The following URB1 variants were observed in gnomAD, a reference collection of about 807,000 sequenced individuals.
URB1 encodes the protein URB1 ribosome biogenesis factor.
URB1 carries 197 observed loss-of-function variants against 242.3 expected under a neutral mutation model. The ratio of observed to expected loss-of-function variants is 0.81; its 90% CI spans 0.72 to 0.91. The LOEUF (loss-of-function observed/expected upper bound fraction) is 0.91, where lower values mean the gene tolerates loss of function less well. Ranked by LOEUF, URB1 falls within the 40% of genes least tolerant of loss-of-function variation. URB1 has a pLI of 0.00. For missense variants in URB1, 2,721 were observed against 2,860.5 expected, an observed-to-expected ratio of 0.95 and a Z score of 1.11; for synonymous variants, 1,153 against 1,201.8, an observed-to-expected ratio of 0.96 and a Z score of 0.84.
chr21:32,383,348 A>C, intron 4 of URB1, 74 bp downstream of exon 4: 1 of 1,464,942 alleles, frequency 6.8e-7, no homozygotes, highest in Non-Finnish European at 9.1e-7. Flanking sequence ...GGGGCAGAGA[A>C]TGGAGGAAAA....
In URB1 at chr21:32,353,971, G is replaced by A; in HGVS notation, c.2378C>T (p.Ala793Val). 1.3e-6 allele frequency: 2 copies of A among 1,551,764 alleles called. No homozygotes were observed. The highest frequency in any genetic ancestry group is 1.7e-6 in the Non-Finnish European group (2 of 1,147,016). The change falls in exon 18 of 39, where the codon GCC (alanine) becomes GTC (valine). Residue 793 changes from alanine to valine, a missense_variant. Coordinates refer to ENST00000382751, the MANE Select transcript of URB1 (RefSeq NM_014825.3). ...FSAVVPAALE[A>V]RNKLLLGTGN... ...TGTCCCAAGGAGCAACTTATTCCTG[G>A]CTTCCAGGGCCGCAGGGACTACCGC... is the stretch of plus-strand genomic sequence containing the variant.
chr21:32,365,817 C>A (rs1229125498), intron 10 of URB1, among the ~76,000 whole-genome samples: 2 of 152,214 alleles, frequency 1.3e-5, no homozygotes, highest in South Asian at 2.1e-4. Context: ...CCAACTGAGG[C>A]CTGTGCAACC....
chr21:32,323,549 CAT>C (rs1324433273), intron 32 of URB1, among the ~76,000 whole-genome samples: 1 of 152,216 alleles, frequency 6.6e-6, no homozygotes, highest in Non-Finnish European at 1.5e-5. Flanking sequence ...GCAGTACTCA[CAT>C]ACCAAAAGCT....
rs902642613 is a variant in URB1, at chr21:32,314,808, T to A, written c.*110A>T. On this transcript the variant is annotated 3_prime_UTR_variant, in exon 39 of 39. Transcript: ENST00000382751. ...AAGAACTGAGCCAATGTACTGAACC[T>A]GTTGTTTCCCATGCCTTCTCTGGAA... 1.4e-6 allele frequency: 2 copies of A among 1,470,820 alleles called. No individual in the cohort carries two copies. Among genetic ancestry groups the A allele is most frequent in the Admixed American group, 2.1e-5 (1 of 46,618 alleles). 91.1% of individuals were successfully genotyped at this position (1,470,820 alleles called of 1,614,324 possible). A position where few individuals can be genotyped will look rare whatever the true frequency, so the allele number is the denominator to read the frequency against.
intron 30 of URB1, among the ~76,000 whole-genome samples, chr21:32,326,572 T>C (rs985344724): frequency 6.6e-6 from 1 of 152,044 alleles, no homozygotes; most frequent in African/African-American, 2.4e-5. Context: ...ATGTTGGAGG[T>C]GGGGACTCCG....
Position 32,359,885 on chromosome 21 carries a change from G to A in URB1, c.1780C>T (p.Arg594Ter), listed in dbSNP as rs747567759. 26 of 1,548,186 alleles carry A rather than the reference G, an allele frequency of 1.7e-5. No individual in the cohort carries two copies. Among genetic ancestry groups the A allele is most frequent in the Admixed American group, 4.0e-5 (2 of 50,280 alleles). ...TGCAGAATGGGAGGCACCTCCTCTC[G>A]AAGGCCCTGCTCAGAGATGACACCT... ...LKGVISEQGL[R>*]EEVPPILQHH... Residue 594 changes from arginine (R) to a stop codon, truncating the protein, a stop_gained, in exon 14 of 39, where the codon CGA becomes TGA. Transcript: ENST00000382751. LOFTEE classifies it high-confidence loss of function.
Position 32,313,905 on chromosome 21 carries a change from T to C in URB1, c.*1013A>G, listed in dbSNP as rs191999663. 1.8e-4 allele frequency: 28 copies of C among 152,782 alleles called. No homozygotes were observed. The highest frequency in any genetic ancestry group is 3.4e-4 in the Non-Finnish European group (23 of 68,388). 9.5% of individuals were successfully genotyped at this position (152,782 alleles called of 1,614,324 possible). On this transcript the variant is annotated 3_prime_UTR_variant, in exon 39 of 39. Transcript: ENST00000382751. ...CCTTTAAAATAAATGCAGGCCTATGTGGAGCAAAAATAGCCTCTTGACAAC... is the reference window on the plus strand; with the variant it reads ...CCTTTAAAATAAATGCAGGCCTATGCGGAGCAAAAATAGCCTCTTGACAAC...
rs887951743 is a variant in URB1, at chr21:32,316,873, G to A, written c.6227C>T (p.Thr2076Ile). The A allele has an allele frequency of 5.8e-6, 9 of 1,551,324 alleles. No homozygotes were observed. The East Asian group carries it at 9.8e-5, about 17-fold the overall frequency. ...GCTGGCTGAGTCCACAGGCTCCTGA[G>A]TGGGGTCAGGACCAGGGATCACTGG... is the stretch of plus-strand genomic sequence containing the variant. Reference protein sequence around the residue: ...WRPVIPGPDPTQEPVDSASPE... With the variant: ...WRPVIPGPDPIQEPVDSASPE... Residue 2076 changes from threonine to isoleucine, a missense_variant, in exon 38 of 39, where the codon ACT (threonine) becomes ATT (isoleucine). Thr to Ile is a moderately conservative substitution (Grantham distance 89, BLOSUM62 -1). Coordinates refer to ENST00000382751, the MANE Select transcript of URB1 (RefSeq NM_014825.3).
chr21:32,355,909 C>CCTA (rs2033214971), intron 15 of URB1, among the ~76,000 whole-genome samples: 1 of 152,220 alleles, frequency 6.6e-6, no homozygotes. Flanking sequence ...CCACACCCAG[C>CCTA]CTACAGGACC....
intron 1 of URB1, among the ~76,000 whole-genome samples, chr21:32,389,188 G>C (rs2033613781): frequency 6.6e-6 from 1 of 152,172 alleles, no homozygotes; most frequent in African/African-American, 2.4e-5. Flanking sequence ...AAGTATTGAG[G>C]GGGCAGAGGG....
At chr21:32,379,303 C>T (rs1053899904) in intron 4 of URB1, among the ~76,000 whole-genome samples, 4 of 152,278 alleles carry the variant, frequency 2.6e-5, no homozygotes, top group African/African-American at 9.6e-5. Flanking sequence ...GTCAGTCTCT[C>T]ATCAGCTGTT....
intron 25 of URB1, among the ~76,000 whole-genome samples, chr21:32,340,257 G>C (rs538163700): frequency 6.6e-6 from 1 of 152,204 alleles, no homozygotes; most frequent in African/African-American, 2.4e-5. Flanking sequence ...GAGCTGGAAT[G>C]TATCAAGGGT....
chr21:32,312,302 AC>A lies in URB1; in HGVS notation c.*2615del. 2.3e-6 allele frequency: 3 copies of A among 1,316,096 alleles called. No individual in the cohort carries two copies. The African/African-American group carries it at 4.5e-5, about 20-fold the overall frequency. 81.5% of individuals were successfully genotyped at this position (1,316,096 alleles called of 1,614,324 possible). A position where few individuals can be genotyped will look rare whatever the true frequency, so the allele number is the denominator to read the frequency against. On this transcript the variant is annotated 3_prime_UTR_variant, in exon 39 of 39. Transcript: ENST00000382751. Reference sequence around the variant, plus strand: ...AATCAAGAGGAAAAGCTGTTTGCTTACTAATCTTTACTATGCCACTTTACCA... The same window carrying A: ...AATCAAGAGGAAAAGCTGTTTGCTTATAATCTTTACTATGCCACTTTACCA...
At chr21:32,326,272 G>A (rs572260088) in intron 30 of URB1, among the ~76,000 whole-genome samples, 1 of 152,166 alleles carries the variant, frequency 6.6e-6, no homozygotes, top group Non-Finnish European at 1.5e-5. Context: ...TGATGTTCTC[G>A]AGATAGAGTG....
chr21:32,333,085 C>A, intron 30 of URB1: 2 of 500,030 alleles, frequency 4.0e-6, no homozygotes, highest in Non-Finnish European at 3.5e-6. Flanking sequence ...TGGACATTTC[C>A]AGATTTTAAA....
At chr21:32,373,238 AAAAC>A (rs896116899) in intron 7 of URB1, among the ~76,000 whole-genome samples, 2 of 152,172 alleles carry the variant, frequency 1.3e-5, no homozygotes, top group Non-Finnish European at 2.9e-5. Context: ...CCTGAGGTTA[AAAAC>A]AAACAAACAA....
At chr21:32,387,219 C>T (rs528877294) in intron 1 of URB1, among the ~76,000 whole-genome samples, 1 of 152,134 alleles carries the variant, frequency 6.6e-6, no homozygotes, top group African/African-American at 2.4e-5. Flanking sequence ...CACCACAACC[C>T]CACCCTACCA....
At chr21:32,350,658 T>G in intron 20 of URB1, 46 bp downstream of exon 20, 1 of 1,537,542 alleles carries the variant, frequency 6.5e-7, no homozygotes, top group South Asian at 1.2e-5. Context: ...CTTAGCTCTC[T>G]GGTGGCAGAG....
At chr21:32,366,930 A>G (rs1217283295) in intron 9 of URB1, among the ~76,000 whole-genome samples, 175 bp from the exon 10 acceptor site, 1 of 152,192 alleles carries the variant, frequency 6.6e-6, no homozygotes, top group East Asian at 1.9e-4. Context: ...GTCAAAGACA[A>G]ATCAGGTCAG....
Sources: gnomAD v4.1 joint callset for allele counts (sites outside exome capture counted in the v4.1 genomes callset) on GRCh38, gnomAD v4.1.1 for gene constraint, MANE v1.5 for transcripts, NCBI Gene and HGNC (gene_info 2026-07-23, HGNC 2026-07-21) for gene names.